The following PTK2 variants were observed in gnomAD, a reference collection of about 807,000 sequenced individuals.
PTK2 encodes the protein focal adhesion kinase 1.
PTK2 carries 45 observed loss-of-function variants against 150.1 expected under a neutral mutation model. The ratio of observed to expected loss-of-function variants is 0.30; its 90% CI spans 0.24 to 0.38. The LOEUF (loss-of-function observed/expected upper bound fraction) is 0.38, where lower values mean the gene tolerates loss of function less well. Ranked by LOEUF, PTK2 falls within the 10% of genes least tolerant of loss-of-function variation. The pLI, the probability that PTK2 is intolerant of heterozygous loss-of-function variation, is 1.00. For synonymous variants in PTK2, 432 were observed against 449.2 expected, an observed-to-expected ratio of 0.96 and a Z score of 0.48; for missense variants, 919 against 1,307.3, an observed-to-expected ratio of 0.70 and a Z score of 4.58.
intron 26 of PTK2, among the ~76,000 whole-genome samples, chr8:140,698,326 T>C (rs929517623): frequency 2.0e-5 from 3 of 152,352 alleles, no homozygotes; most frequent in South Asian, 2.1e-4. Context: ...ATCAATTCTG[T>C]CTGGTAAAAG....
At chr8:140,811,711 A>C (rs1250144697) in intron 10 of PTK2, among the ~76,000 whole-genome samples, 1 of 152,234 alleles carries the variant, frequency 6.6e-6, no homozygotes, top group Admixed American at 6.5e-5. Context: ...GCCAGAATAG[A>C]AAAGAACATA....
intron 1 of PTK2, among the ~76,000 whole-genome samples, chr8:140,942,108 G>A (rs1052384923): frequency 2.6e-5 from 4 of 151,852 alleles, no homozygotes; most frequent in Admixed American, 6.6e-5. Context: ...CAAACTCCTG[G>A]GCTCAAGCGA....
intron 1 of PTK2, among the ~76,000 whole-genome samples, chr8:140,952,974 C>G (rs544516637): frequency 6.6e-6 from 1 of 152,150 alleles, no homozygotes; most frequent in Non-Finnish European, 1.5e-5. Flanking sequence ...GAACACCTTA[C>G]GCATATCTCA....
chr8:140,675,882 T>C (rs1274068857), intron 27 of PTK2: 3 of 164,320 alleles, frequency 1.8e-5, no homozygotes, highest in Non-Finnish European at 1.3e-5. Context: ...AGAACTACCA[T>C]TCGATCCAGC....
At chr8:140,947,562 T>TC (rs1291202176) in intron 1 of PTK2, among the ~76,000 whole-genome samples, 1 of 151,894 alleles carries the variant, frequency 6.6e-6, no homozygotes, top group African/African-American at 2.4e-5. Flanking sequence ...GGTTTCAACT[T>TC]CAAGGTGGTA....
intron 13 of PTK2, among the ~76,000 whole-genome samples, chr8:140,792,953 T>C (rs1279103474): frequency 6.6e-6 from 1 of 152,196 alleles, no homozygotes; most frequent in Non-Finnish European, 1.5e-5. Flanking sequence ...GTTTTGTAGA[T>C]CAACATGCCC....
intron 22 of PTK2, among the ~76,000 whole-genome samples, chr8:140,723,508 G>C (rs758139909): frequency 2.0e-5 from 3 of 152,198 alleles, no homozygotes; most frequent in Non-Finnish European, 2.9e-5. Context: ...AGACAGTACT[G>C]AACTTTTCTC....
chr8:140,738,224 T>A (rs1044506914), intron 21 of PTK2, among the ~76,000 whole-genome samples: 1 of 152,112 alleles, frequency 6.6e-6, no homozygotes, highest in African/African-American at 2.4e-5. Flanking sequence ...TTCAAGGACA[T>A]TTAAGGTGGA....
At chr8:140,818,433 T>C in intron 9 of PTK2, 79 bp from the exon 10 acceptor site, 1 of 1,268,526 alleles carries the variant, frequency 7.9e-7, no homozygotes, top group Non-Finnish European at 1.2e-6. Context: ...CGTGGATATG[T>C]TAAAGGACCA....
chr8:140,710,722 GTA>G (rs768358529), intron 23 of PTK2, among the ~76,000 whole-genome samples: 18 of 152,146 alleles, frequency 1.2e-4, no homozygotes, highest in Non-Finnish European at 2.5e-4. Flanking sequence ...ACTGGAAGAG[GTA>G]TGTAGGTTAT....
intron 1 of PTK2, among the ~76,000 whole-genome samples, chr8:140,981,584 C>A (rs1363378278): frequency 6.6e-6 from 1 of 152,196 alleles, no homozygotes; most frequent in Non-Finnish European, 1.5e-5. Context: ...TTTTGTACAA[C>A]CTGTGAGCTA....
intron 16 of PTK2, among the ~76,000 whole-genome samples, chr8:140,756,270 T>G (rs543568184): frequency 2.4e-4 from 35 of 148,054 alleles, no homozygotes; most frequent in African/African-American, 8.3e-4. Flanking sequence ...TTGCAGTGAT[T>G]GGAGATCACA....
chr8:140,713,535 T>C (rs1167911353), intron 23 of PTK2, among the ~76,000 whole-genome samples: 1 of 152,204 alleles, frequency 6.6e-6, no homozygotes, highest in Non-Finnish European at 1.5e-5. Flanking sequence ...TATCTTAACA[T>C]AATTATCAGA....
intron 3 of PTK2, among the ~76,000 whole-genome samples, chr8:140,880,068 A>G (rs2100148323): frequency 6.6e-6 from 1 of 152,232 alleles, no homozygotes; most frequent in South Asian, 2.1e-4. Context: ...CATACTGTTC[A>G]AGACCAGGCT....
At chr8:140,773,037 G>A (rs1036666283) in intron 14 of PTK2, among the ~76,000 whole-genome samples, 1 of 152,110 alleles carries the variant, frequency 6.6e-6, no homozygotes, top group African/African-American at 2.4e-5. Flanking sequence ...GGGATTCTCT[G>A]GGCACCCAGA....
At chr8:140,829,504 C>A (rs531082726) in intron 8 of PTK2, among the ~76,000 whole-genome samples, 1 of 152,114 alleles carries the variant, frequency 6.6e-6, no homozygotes, top group Non-Finnish European at 1.5e-5. Flanking sequence ...TTATTAATCT[C>A]GTGTTAGAAA....
chr8:140,781,059 T>C (rs1294989686), intron 14 of PTK2, among the ~76,000 whole-genome samples: 1 of 152,214 alleles, frequency 6.6e-6, no homozygotes, highest in African/African-American at 2.4e-5. Context: ...TCAAAAATAT[T>C]TTGTCTTGAC....
At chr8:140,839,365 C>A (rs1035878172) in intron 7 of PTK2, among the ~76,000 whole-genome samples, 1 of 152,160 alleles carries the variant, frequency 6.6e-6, no homozygotes, top group African/African-American at 2.4e-5. Context: ...AGCCTCTAAT[C>A]CAAGCCACTT....
chr8:140,976,891 A>T (rs1206904068), intron 1 of PTK2, among the ~76,000 whole-genome samples: 2 of 152,244 alleles, frequency 1.3e-5, no homozygotes, highest in Non-Finnish European at 2.9e-5. Flanking sequence ...TATTTAAGAC[A>T]ACATTAATTT....
Sources: gnomAD v4.1 joint callset for allele counts (sites outside exome capture counted in the v4.1 genomes callset) on GRCh38, gnomAD v4.1.1 for gene constraint, MANE v1.5 for transcripts, NCBI Gene and HGNC (gene_info 2026-07-23, HGNC 2026-07-21) for gene names.